Variants in MIA2 observed in about 807,000 individuals in gnomAD.
MIA2 encodes the protein melanoma inhibitory activity protein 2.
A neutral mutation model predicts 167.8 loss-of-function variants in MIA2; 127 were observed. The observed-to-expected ratio is 0.76, with a 90% CI of 0.66 to 0.88. The LOEUF (loss-of-function observed/expected upper bound fraction) is 0.88, where lower values mean the gene tolerates loss of function less well. MIA2 is among the 40% of genes least tolerant of loss of function. MIA2 has a pLI of 0.00. For missense variants in MIA2, 1,690 were observed against 1,624.7 expected, an observed-to-expected ratio of 1.04 and a Z score of -0.69; for synonymous variants, 552 against 541.9, an observed-to-expected ratio of 1.02 and a Z score of -0.26.
chr14:39,316,409 GGCTTC>G (rs2065446785), intron 21 of MIA2, among the ~76,000 whole-genome samples: 2 of 152,096 alleles, frequency 1.3e-5, no homozygotes, highest in African/African-American at 4.8e-5. Flanking sequence ...CTCATGTCCT[GGCTTC>G]ATCACCTATC....
chr14:39,300,967 T>TAC (rs149073116), intron 14 of MIA2, among the ~76,000 whole-genome samples: 120,805 of 138,038 alleles, frequency 0.88, 52,927 homozygotes, highest in East Asian at 0.95. Flanking sequence ...CATATACACA[T>TAC]ATATACACAT....
chr14:39,274,448 A>AT lies in MIA2; in HGVS notation c.1888-2486_1888-2485insT, dbSNP rs2057635694. Among the ~76,000 whole-genome samples, 3 of 128,964 alleles carry AT rather than the reference A, an allele frequency of 2.3e-5. 1 individual carries two copies. The Admixed American group carries it at 2.5e-4, about 11-fold the overall frequency. The allele number at this position is 128,964 out of a possible 152,430, so 84.6% of individuals were successfully genotyped here. On this transcript the variant is annotated intron_variant, in intron 6 of 28. Coordinates refer to ENST00000640607, the MANE Select transcript of MIA2 (RefSeq NM_001329214.4). ...CTTTTTTTCTTTTTTTTTTTTTTTG[A>AT]GATGGAGTCTCACTCTGTCACCCAG... is the stretch of plus-strand genomic sequence containing the variant.
intron 9 of MIA2, among the ~76,000 whole-genome samples, chr14:39,280,911 GTTTTTTT>G (rs751903170): frequency 3.3e-5 from 2 of 60,200 alleles, no homozygotes; most frequent in Admixed American, 2.3e-4. Context: ...TATTAGTTTA[GTTTTTTT>G]TTTTTTTTTT....
chr14:39,259,406 GAGA>G lies in MIA2; in HGVS notation c.1887+6238_1887+6240del, dbSNP rs377433007. On this transcript the variant is annotated intron_variant, in intron 6 of 28. Transcript: ENST00000640607. ...GACTCTCCTGATTCAACAATGGAAA[GAGA>G]AGGAGAGTATCTCTTTCAAATCTCC... Among the ~76,000 whole-genome samples, 329 of 152,380 alleles carry G rather than the reference GAGA, an allele frequency of 2.2e-3. 1 individual carries two copies. Among genetic ancestry groups the G allele is most frequent in the African/African-American group, 5.3e-3 (222 of 41,592 alleles).
In MIA2 at chr14:39,252,896, T is replaced by C; in HGVS notation, c.1716T>C (p.Asn572=). ...TGGAGATAGACAGATCTGTGGAAAA[T>C]ACCCTGCTAAATAGTCAGATGGTTT... is the stretch of plus-strand genomic sequence containing the variant. ...ALVEIDRSVE[N]TLLNSQMVST... is the part of the protein sequence containing the mutation. The change falls in exon 5 of 29, where the codon AAT becomes AAC. Residue 572 remains asparagine (N), a synonymous_variant. Coordinates refer to ENST00000640607, the MANE Select transcript of MIA2 (RefSeq NM_001329214.4). 6.2e-7 allele frequency: 1 copy of C among 1,613,930 alleles called. No homozygotes were observed. The highest frequency in any genetic ancestry group is 8.5e-7 in the Non-Finnish European group (1 of 1,179,922).
chr14:39,245,318 G>GAA (rs2054248008), intron 3 of MIA2, among the ~76,000 whole-genome samples: 1 of 151,896 alleles, frequency 6.6e-6, no homozygotes, highest in East Asian at 1.9e-4. Context: ...GGGCCACCCT[G>GAA]GAAGAAGAAG....
chr14:39,317,813 T>G, intron 21 of MIA2, 131 bp from the exon 22 acceptor site: 1 of 528,478 alleles, frequency 1.9e-6, no homozygotes, highest in Non-Finnish European at 3.1e-6. Context: ...CTTCAGTGAT[T>G]ATGATTTGTA....
chr14:39,293,416 AAG>A, intron 11 of MIA2, 35 bp downstream of exon 11: 1 of 1,342,886 alleles, frequency 7.4e-7, no homozygotes, highest in Non-Finnish European at 1.0e-6. Flanking sequence ...ATATAAGAAA[AAG>A]AAAGTTACTG....
In MIA2 at chr14:39,252,892, A is replaced by G. The variant is rs759379995; in HGVS notation, c.1712A>G (p.Glu571Gly). ...PALVEIDRSVENTLLNSQMVS... is the reference protein window; with the variant it reads ...PALVEIDRSVGNTLLNSQMVS... ...CTGGTGGAGATAGACAGATCTGTGG[A>G]AAATACCCTGCTAAATAGTCAGATG... The change falls in exon 5 of 29, where the codon GAA becomes GGA. Residue 571 changes from glutamate to glycine, a missense_variant. Transcript: ENST00000640607. 6.2e-7 allele frequency: 1 copy of G among 1,614,004 alleles called. No individual in the cohort carries two copies. Among genetic ancestry groups the G allele is most frequent in the Non-Finnish European group, 8.5e-7 (1 of 1,179,942 alleles).
At position 39,252,765 on chromosome 14, in the gene MIA2, G is replaced by C. The variant is rs781421062; in HGVS notation, c.1585G>C (p.Glu529Gln). ...YSLSDMVSNI[E>Q]LPTRIHEEVY... ...ATTTGTAGATATGGTCTCTAACATA[G>C]AGTTACCTACGAGAATTCACGAAGA... is the stretch of plus-strand genomic sequence containing the variant. Residue 529 changes from glutamate (E) to glutamine (Q), a missense_variant, in exon 5 of 29, where the codon GAG becomes CAG. Physicochemically the swap from Glu to Gln is conservative, Grantham distance 29. Transcript: ENST00000640607. The C allele has an allele frequency of 3.7e-5, 59 of 1,611,344 alleles. No homozygotes were observed. Among genetic ancestry groups the C allele is most frequent in the Non-Finnish European group, 4.9e-5 (58 of 1,178,202 alleles).
Position 39,380,520 on chromosome 14 carries a change from C to T in MIA2, c.2249-6365C>T, listed in dbSNP as rs900001710. Among the ~76,000 whole-genome samples, 5 of 151,982 alleles carry T rather than the reference C, an allele frequency of 3.3e-5. No homozygotes were observed. In the South Asian group the frequency reaches 8.3e-4, roughly 25 times the overall value. On this transcript the variant is annotated intron_variant, in intron 23 of 23. Coordinates refer to the MIA2 transcript ENST00000341502. ...GCATCCTGGCCAACATGGTGAAACC[C>T]TATCTCTACTAAAAAGACAAAAATT...
chr14:39,350,801 T>G (rs201469431), downstream of MIA2: 1 of 115,998 alleles, frequency 8.6e-6, no homozygotes, highest in Non-Finnish European at 1.8e-5. Context: ...TGTGCTCTCT[T>G]TCTTGTAAAT....
rs147474260 is a variant in MIA2 at position 39,318,806 on chromosome 14, C to T, written c.3285-403C>T. Among the ~76,000 whole-genome samples the T allele has an allele frequency of 3.7e-3, 558 of 152,220 alleles. 4 individuals carry two copies. The highest frequency in any genetic ancestry group is 0.012 in the African/African-American group (516 of 41,550). On this transcript the variant is annotated intron_variant, in intron 22 of 28. Coordinates refer to ENST00000640607, the MANE Select transcript of MIA2 (RefSeq NM_001329214.4). ...CATACATGACTCAAAGCCAGGAACC[C>T]TGTGTCTTAATCCAGGCACTTTCAT... is the stretch of plus-strand genomic sequence containing the variant.
At position 39,381,017 on chromosome 14, in the gene MIA2, AAAAAC is replaced by A. The variant is rs1432922026; in HGVS notation, c.2249-5863_2249-5859del. Among the ~76,000 whole-genome samples the A allele has an allele frequency of 2.1e-5, 3 of 143,288 alleles. No homozygotes were observed. In the East Asian group the frequency reaches 5.9e-4, roughly 28 times the overall value. The allele number at this position is 143,288 out of a possible 152,430, so 94.0% of individuals were successfully genotyped here. A position where few individuals can be genotyped will look rare whatever the true frequency, so the allele number is the denominator to read the frequency against. On this transcript the variant is annotated intron_variant, in intron 23 of 23. Coordinates refer to the MIA2 transcript ENST00000341502. ...CTGTGGTAATAACTATTTTAGTAAA[AAAAAC>A]AAAAAAAAAAAAAACAAAGGTAACA...
At chr14:39,324,180 G>T (rs1046874771) in intron 24 of MIA2, among the ~76,000 whole-genome samples, 1 of 152,206 alleles carries the variant, frequency 6.6e-6, no homozygotes, top group Non-Finnish European at 1.5e-5. Context: ...TGGGTAGTCA[G>T]TTGGCCTGTA....
chr14:39,285,974 C>T (rs1329953740), intron 9 of MIA2, among the ~76,000 whole-genome samples: 4 of 151,782 alleles, frequency 2.6e-5, no homozygotes, highest in Non-Finnish European at 5.9e-5. Context: ...GGCAGCCGGG[C>T]AGAGGGGCTC....
chr14:39,240,495 T>C (rs990939087), intron 2 of MIA2, 66 bp from the exon 3 acceptor site: 7 of 1,257,334 alleles, frequency 5.6e-6, no homozygotes, highest in Admixed American at 5.4e-5. Context: ...GGGACAAAAT[T>C]AGGTTCAATA....
At position 39,348,120 on chromosome 14, in the gene MIA2, A is replaced by G. The variant is rs146832389; in HGVS notation, c.3837+349A>G. Among the ~76,000 whole-genome samples, 599 of 152,298 alleles carry G rather than the reference A, an allele frequency of 3.9e-3. 2 individuals are homozygous for G. The highest frequency in any genetic ancestry group is 6.9e-3 in the Admixed American group (106 of 15,296). Reference sequence around the variant, plus strand: ...GAGCTGCTGCGCCTGGCCCTGAGCCACTGTGCCTGGCCTGTGCCTTCTAAT... The same window carrying G: ...GAGCTGCTGCGCCTGGCCCTGAGCCGCTGTGCCTGGCCTGTGCCTTCTAAT... On this transcript the variant is annotated intron_variant, in intron 27 of 28. Coordinates refer to ENST00000640607, the MANE Select transcript of MIA2 (RefSeq NM_001329214.4).
intron 19 of MIA2, 127 bp from the exon 20 acceptor site, chr14:39,314,610 GTT>G (rs55732496): frequency 8.4e-3 from 1,597 of 189,186 alleles, no homozygotes; most frequent in South Asian, 0.013. Context: ...GAGTTCTGGA[GTT>G]TTTTTTTTTT....
Sources: allele counts gnomAD v4.1 joint callset (sites outside exome capture counted in the v4.1 genomes callset), GRCh38; gene constraint gnomAD v4.1.1; transcripts MANE v1.5; gene names NCBI Gene and HGNC (gene_info 2026-07-23, HGNC 2026-07-21).